PPM1E: variants seen among roughly 807,000 people sequenced by gnomAD.
PPM1E encodes the protein protein phosphatase 1E.
Under a neutral mutation model 65.9 loss-of-function variants are expected in PPM1E, and 20 were observed. That is an observed-to-expected ratio of 0.30 (90% CI 0.21 to 0.44). The LOEUF (loss-of-function observed/expected upper bound fraction) is 0.44. Ranked by LOEUF, PPM1E falls within the 20% of genes least tolerant of loss-of-function variation. The pLI, the probability that PPM1E is intolerant of heterozygous loss-of-function variation, is 1.00. For synonymous variants in PPM1E, 352 were observed against 374.9 expected (o/e 0.94, Z 0.70); for missense variants, 713 against 953.1 (o/e 0.75, Z 3.32).
At chr17:58,873,761 ATTTT>A (rs1205169911) in intron 1 of PPM1E, among the ~76,000 whole-genome samples, 1 of 136,788 alleles carries the variant, frequency 7.3e-6, no homozygotes, top group African/African-American at 2.7e-5. Flanking sequence ...TGCCCAGCTA[ATTTT>A]TTTTTTTTTT....
At position 58,777,763 on chromosome 17, in the gene PPM1E, C is replaced by T. The variant is rs116809249; in HGVS notation, c.464+21302C>T. ...AATTCAATTTAGTCTATGGAGTTTC[C>T]TACTAGAATATAAGCTCCAGACTTT... On this transcript the variant is annotated intron_variant, in intron 1 of 6. Transcript: ENST00000308249. Among the ~76,000 whole-genome samples the T allele has an allele frequency of 2.4e-3, 365 of 152,198 alleles. 4 individuals are homozygous for T. The highest frequency in any genetic ancestry group is 8.4e-3 in the African/African-American group (350 of 41,542).
chr17:58,900,959 A>G (rs979157326), intron 1 of PPM1E, among the ~76,000 whole-genome samples: 2 of 152,184 alleles, frequency 1.3e-5, no homozygotes, highest in Admixed American at 6.5e-5. Flanking sequence ...TTTGAGATAA[A>G]TATTATTTTC....
chr17:58,787,949 C>T (rs964544203), intron 1 of PPM1E, among the ~76,000 whole-genome samples: 10 of 151,416 alleles, frequency 6.6e-5, no homozygotes, highest in African/African-American at 1.7e-4. Context: ...TGGTTTTGGC[C>T]GTGTTCAGAG....
At chr17:58,824,584 T>G (rs1022265813) in intron 1 of PPM1E, among the ~76,000 whole-genome samples, 5 of 149,964 alleles carry the variant, frequency 3.3e-5, no homozygotes, top group Non-Finnish European at 5.9e-5. Context: ...GTTGTTTGCT[T>G]CTTTCTGTTG....
chr17:58,938,621 G>A (rs999991187), intron 1 of PPM1E, among the ~76,000 whole-genome samples: 10 of 151,908 alleles, frequency 6.6e-5, no homozygotes, highest in African/African-American at 2.4e-4. Context: ...TAGGTAACAA[G>A]GACCCATATA....
At chr17:58,837,056 G>A (rs1419495650) in intron 1 of PPM1E, among the ~76,000 whole-genome samples, 2 of 147,598 alleles carry the variant, frequency 1.4e-5, no homozygotes, top group Non-Finnish European at 3.0e-5. Flanking sequence ...GGATTACAAG[G>A]CGTGAGCCAC....
chr17:58,757,230 G>A (rs911704033), intron 1 of PPM1E, among the ~76,000 whole-genome samples: 5 of 152,150 alleles, frequency 3.3e-5, no homozygotes, highest in Admixed American at 3.3e-4. Context: ...GGAAAAGTCA[G>A]GCTGTTTTGA....
At chr17:58,809,419 G>A (rs762582291) in intron 1 of PPM1E, among the ~76,000 whole-genome samples, 45 of 152,016 alleles carry the variant, frequency 3.0e-4, no homozygotes, top group Non-Finnish European at 5.7e-4. Flanking sequence ...TTGAGATAGG[G>A]TCTTACTGTG....
At chr17:58,775,333 G>A (rs1458805915) in intron 1 of PPM1E, among the ~76,000 whole-genome samples, 2 of 151,974 alleles carry the variant, frequency 1.3e-5, no homozygotes, top group African/African-American at 2.4e-5. Context: ...TAGGTTAAGC[G>A]ATCTAAGTTT....
Position 58,762,514 on chromosome 17 carries a change from A to G in PPM1E, c.464+6053A>G, listed in dbSNP as rs751058558. ...TCATGAGTTAAACATAATATTGATA[A>G]TGCAAGTGTAAGAAACATAAAAGTT... On this transcript the variant is annotated intron_variant, in intron 1 of 6. Transcript: ENST00000308249. 1.3e-3 allele frequency among the ~76,000 whole-genome samples: 197 copies of G among 152,254 alleles called. 1 individual carries two copies. Among genetic ancestry groups the G allele is most frequent in the Non-Finnish European group, 1.7e-3 (118 of 68,026 alleles).
At chr17:58,857,699 G>A (rs1032501989) in intron 1 of PPM1E, among the ~76,000 whole-genome samples, 1 of 151,942 alleles carries the variant, frequency 6.6e-6, no homozygotes, top group African/African-American at 2.4e-5. Flanking sequence ...CTACTTTGAA[G>A]CTCTCTGGTA....
chr17:58,843,846 A>T (rs1170268253), intron 1 of PPM1E, among the ~76,000 whole-genome samples: 1 of 152,150 alleles, frequency 6.6e-6, no homozygotes, highest in East Asian at 1.9e-4. Flanking sequence ...AAACAAAACA[A>T]AACATTGTGA....
At chr17:58,807,922 C>T (rs2050330641) in intron 1 of PPM1E, among the ~76,000 whole-genome samples, 1 of 152,042 alleles carries the variant, frequency 6.6e-6, no homozygotes, top group African/African-American at 2.4e-5. Flanking sequence ...GAACGTGAAC[C>T]CTCATATACT....
intron 1 of PPM1E, among the ~76,000 whole-genome samples, chr17:58,949,202 C>A (rs1467248048): frequency 1.3e-5 from 2 of 152,138 alleles, no homozygotes; most frequent in Non-Finnish European, 2.9e-5. Flanking sequence ...TGTATATTTA[C>A]AATTGTTATA....
intron 1 of PPM1E, among the ~76,000 whole-genome samples, chr17:58,772,187 G>A (rs765955451): frequency 2.6e-5 from 4 of 151,108 alleles, no homozygotes; most frequent in Non-Finnish European, 5.9e-5. Context: ...GGCTGGGCGC[G>A]GTGGCTCACG....
At chr17:58,837,967 T>C (rs147678167) in intron 1 of PPM1E, among the ~76,000 whole-genome samples, 1,747 of 152,342 alleles carry the variant, frequency 0.011, 14 homozygotes, top group Middle Eastern at 0.041. Context: ...CAATAACGTG[T>C]TGATAAATCT....
At chr17:58,920,735 G>C (rs1238994236) in intron 1 of PPM1E, among the ~76,000 whole-genome samples, 3 of 152,174 alleles carry the variant, frequency 2.0e-5, no homozygotes, top group Admixed American at 1.3e-4. Context: ...TTGAATATAA[G>C]AGCCTAGTGT....
Position 58,979,967 on chromosome 17 carries a change from C to A in PPM1E, c.1211-7C>A, listed in dbSNP as rs780534292. 6 of 1,605,306 alleles carry A rather than the reference C, an allele frequency of 3.7e-6. No homozygotes were observed. The highest frequency in any genetic ancestry group is 5.1e-6 in the Non-Finnish European group (6 of 1,174,172). On this transcript the variant is annotated splice_region_variant and splice_polypyrimidine_tract_variant and intron_variant, in intron 6 of 6. Transcript: ENST00000308249. ...CTAATGATGCCCCTACACTCTGCTT[C>A]CCGCAGGAGATGCTGAACATAAGCC...
chr17:58,863,032 T>C (rs2050959448), intron 1 of PPM1E, among the ~76,000 whole-genome samples: 1 of 152,228 alleles, frequency 6.6e-6, no homozygotes, highest in South Asian at 2.1e-4. Context: ...TGCTAAATGA[T>C]GTACTTTGCT....
Sources: gnomAD v4.1 joint callset for allele counts (sites outside exome capture counted in the v4.1 genomes callset) on GRCh38, gnomAD v4.1.1 for gene constraint, MANE v1.5 for transcripts, NCBI Gene and HGNC (gene_info 2026-07-23, HGNC 2026-07-21) for gene names.